Variants in SFMBT2 observed in about 807,000 individuals in gnomAD.
SFMBT2 encodes scm-like with four MBT domains protein 2.
In SFMBT2, 38 loss-of-function variants were observed where a neutral mutation model predicts 110.1. The ratio of observed to expected loss-of-function variants is 0.35; its 90% confidence interval spans 0.27 to 0.45. SFMBT2 has a LOEUF of 0.45. SFMBT2 is among the 20% of genes least tolerant of loss of function. SFMBT2 has a pLI of 1.00. For synonymous variants in SFMBT2, 425 were observed against 425.4 expected (o/e 1.00, Z 0.01); for missense variants, 1,011 against 1,094.9 (o/e 0.92, Z 1.08).
At chr10:7,212,776 G>A in intron 11 of SFMBT2, among the ~76,000 whole-genome samples, 1 of 152,200 alleles carries the variant, frequency 6.6e-6, no homozygotes, top group East Asian at 1.9e-4. Flanking sequence ...GGGTTGCTGA[G>A]TGTCATGTTA....
intron 4 of SFMBT2, among the ~76,000 whole-genome samples, chr10:7,299,008 C>T (rs772267965): frequency 3.3e-5 from 5 of 152,118 alleles, no homozygotes; most frequent in African/African-American, 7.2e-5. Context: ...TTCAAGAATT[C>T]GAAAGCAGCC....
At chr10:7,188,115 A>G (rs1838476779) in intron 16 of SFMBT2, among the ~76,000 whole-genome samples, 1 of 152,226 alleles carries the variant, frequency 6.6e-6, no homozygotes. Context: ...AATAAAAGAA[A>G]GTTACTTGAC....
chr10:7,352,119 C>T lies in SFMBT2; in HGVS notation c.436+15530G>A, dbSNP rs143463629. On this transcript the variant is annotated intron_variant, in intron 4 of 20. Coordinates refer to ENST00000397167, the MANE Select transcript of SFMBT2 (RefSeq NM_001387889.1). ...TGACTCACACCAACACTTCCCACCC[C>T]GTATACTGGTCGGAGGAGCCACTTA... is the stretch of plus-strand genomic sequence containing the variant. Among the ~76,000 whole-genome samples, 579 of 152,190 alleles carry T rather than the reference C, an allele frequency of 3.8e-3. 4 individuals are homozygous for T. The highest frequency in any genetic ancestry group is 9.7e-3 in the African/African-American group (403 of 41,514).
In SFMBT2 at chr10:7,170,850, A is replaced by T; in HGVS notation, c.2544+78T>A. Reference sequence around the variant, plus strand: ...AACCCCCTCGCAGGTGTCACGAGGAAGCCGGCTAGGACACGAGGTTCATTT... The same window carrying T: ...AACCCCCTCGCAGGTGTCACGAGGATGCCGGCTAGGACACGAGGTTCATTT... On this transcript the variant is annotated intron_variant, in intron 20 of 20. Coordinates refer to ENST00000397167, the MANE Select transcript of SFMBT2 (RefSeq NM_001387889.1). The surrounding 1 kb of genome is among the most constrained non-coding windows in gnomAD (Gnocchi z 4.6). 4 of 1,523,890 alleles carry T rather than the reference A, an allele frequency of 2.6e-6. No individual in the cohort carries two copies. In the Admixed American group the frequency reaches 6.8e-5, roughly 26 times the overall value. 94.4% of individuals were successfully genotyped at this position (1,523,890 alleles called of 1,614,324 possible). A position where few individuals can be genotyped will look rare whatever the true frequency, so the allele number is the denominator to read the frequency against.
At chr10:7,253,788 A>C (rs1450421886) in intron 7 of SFMBT2, among the ~76,000 whole-genome samples, 1 of 146,586 alleles carries the variant, frequency 6.8e-6, no homozygotes, top group Admixed American at 7.1e-5. Flanking sequence ...TCCAGCCCTA[A>C]CTTTCACTTT....
rs939398905 is a variant in SFMBT2, at chr10:7,170,238, C to G, written c.2544+690G>C. On this transcript the variant is annotated intron_variant, in intron 20 of 20. Coordinates refer to ENST00000397167, the MANE Select transcript of SFMBT2 (RefSeq NM_001387889.1). The surrounding 1 kb of genome is among the most constrained non-coding windows in gnomAD (Gnocchi z 4.6). Reference sequence around the variant, plus strand: ...TTGCTGTTTGTGTGTGAGCTTCATGCCCCTGAGACTTGGAGCTGAAGAAGC... The same window carrying G: ...TTGCTGTTTGTGTGTGAGCTTCATGGCCCTGAGACTTGGAGCTGAAGAAGC... Among the ~76,000 whole-genome samples, 1 of 152,216 alleles carries G rather than the reference C, an allele frequency of 6.6e-6. No homozygotes were observed. Among genetic ancestry groups the G allele is most frequent in the African/African-American group, 2.4e-5 (1 of 41,462 alleles).
intron 12 of SFMBT2, chr10:7,204,314 GGAAC>G: frequency 1.0e-6 from 1 of 983,624 alleles, no homozygotes; most frequent in Non-Finnish European, 1.2e-6. Flanking sequence ...GCTATGCAAT[GGAAC>G]TGTGTTTCCA....
chr10:7,334,981 G>C (rs184608051), intron 4 of SFMBT2, among the ~76,000 whole-genome samples: 1 of 152,162 alleles, frequency 6.6e-6, no homozygotes, highest in Admixed American at 6.5e-5. Flanking sequence ...GAATTGAGGC[G>C]GGAGCATAAA....
chr10:7,275,452 G>GACAGTATT (rs953338318), intron 7 of SFMBT2, among the ~76,000 whole-genome samples: 27 of 152,052 alleles, frequency 1.8e-4, no homozygotes, highest in African/African-American at 6.3e-4. Context: ...GTAAGGGCAG[G>GACAGTATT]ACAGTATTAA....
chr10:7,251,907 G>A (rs968636540), intron 7 of SFMBT2, among the ~76,000 whole-genome samples: 3 of 152,080 alleles, frequency 2.0e-5, no homozygotes, highest in African/African-American at 7.2e-5. Context: ...TATCACCCCG[G>A]CTTTCCTGAG....
chr10:7,287,799 G>A (rs1301707097), intron 4 of SFMBT2, among the ~76,000 whole-genome samples: 1 of 152,220 alleles, frequency 6.6e-6, no homozygotes, highest in Non-Finnish European at 1.5e-5. Context: ...GGCCATAAGG[G>A]TGTGGGGCAG....
intron 4 of SFMBT2, among the ~76,000 whole-genome samples, chr10:7,321,978 T>C (rs978944608): frequency 3.3e-5 from 5 of 152,250 alleles, no homozygotes; most frequent in South Asian, 4.1e-4. Context: ...TCTAAATGTA[T>C]GCAGAATGTC....
intron 1 of SFMBT2, among the ~76,000 whole-genome samples, chr10:7,402,912 A>G (rs1846117690): frequency 6.6e-6 from 1 of 152,238 alleles, no homozygotes; most frequent in Non-Finnish European, 1.5e-5. Flanking sequence ...CCAGCTTTCG[A>G]TAGTGTCTTC....
intron 2 of SFMBT2, among the ~76,000 whole-genome samples, chr10:7,379,976 G>A (rs1845377821): frequency 6.6e-6 from 1 of 152,150 alleles, no homozygotes; most frequent in Non-Finnish European, 1.5e-5. Context: ...CACATGAAAA[G>A]CCAATACACA....
intron 11 of SFMBT2, among the ~76,000 whole-genome samples, chr10:7,210,923 G>A (rs193076339): frequency 3.9e-5 from 6 of 152,136 alleles, no homozygotes; most frequent in African/African-American, 9.7e-5. Flanking sequence ...AGTATGGGGG[G>A]GGTGTGGGGA....
intron 16 of SFMBT2, among the ~76,000 whole-genome samples, chr10:7,178,440 G>A (rs1486944241): frequency 1.3e-5 from 2 of 152,094 alleles, no homozygotes; most frequent in African/African-American, 4.8e-5. Flanking sequence ...ATCCAAAAAC[G>A]TCAACAAACA....
At chr10:7,285,552 T>A (rs543167574) in intron 5 of SFMBT2, 89 of 230,226 alleles carry the variant, frequency 3.9e-4, no homozygotes, top group African/African-American at 1.8e-3. Flanking sequence ...TTGATTTATA[T>A]TCACTCACAT....
chr10:7,340,887 C>T (rs1843880072), intron 4 of SFMBT2, among the ~76,000 whole-genome samples: 1 of 150,356 alleles, frequency 6.7e-6, no homozygotes, highest in Non-Finnish European at 1.5e-5. Flanking sequence ...CTTTGGGGTA[C>T]ACAGAAACTA....
At chr10:7,186,475 A>ATATATAT (rs1345076690) in intron 16 of SFMBT2, among the ~76,000 whole-genome samples, 6,683 of 135,172 alleles carry the variant, frequency 0.049, 222 homozygotes, top group Non-Finnish European at 0.07. Flanking sequence ...TATATATATA[A>ATATATAT]AAATATTTTA....
Sources: allele counts gnomAD v4.1 joint callset (sites outside exome capture counted in the v4.1 genomes callset), GRCh38; gene constraint gnomAD v4.1.1; non-coding constraint Gnocchi (gnomAD v3.1); transcripts MANE v1.5; gene names NCBI Gene and HGNC (gene_info 2026-07-23, HGNC 2026-07-21).